PTPRD: variants seen among roughly 807,000 people sequenced by gnomAD.
PTPRD encodes receptor-type tyrosine-protein phosphatase delta.
PTPRD carries 34 observed loss-of-function variants against 214.5 expected under a neutral mutation model. The ratio of observed to expected loss-of-function variants is 0.16; its 90% CI spans 0.12 to 0.21. PTPRD has a LOEUF of 0.21. Among genes scored for constraint, PTPRD ranks in the 10% least tolerant of loss-of-function variants. The probability of loss-of-function intolerance (pLI) is 1.00; values close to 1 mark genes in which losing one functional copy is unlikely to be tolerated. For synonymous variants in PTPRD, 1,128 were observed against 845.7 expected, an observed-to-expected ratio of 1.33 and a Z score of -5.79; for missense variants, 2,545 against 2,398.7, an observed-to-expected ratio of 1.06 and a Z score of -1.27.
At chr9:9,852,286 C>T (rs1441795881) in intron 5 of PTPRD, among the ~76,000 whole-genome samples, 1 of 151,910 alleles carries the variant, frequency 6.6e-6, no homozygotes, top group Admixed American at 6.6e-5. Context: ...GATCTAAAAT[C>T]AGAATTTTGA....
intron 2 of PTPRD, among the ~76,000 whole-genome samples, chr9:10,347,361 C>T (rs1597693073): frequency 6.7e-6 from 1 of 148,982 alleles, no homozygotes; most frequent in South Asian, 2.1e-4. Flanking sequence ...CACTAGCATA[C>T]TTTGTATGAT....
intron 10 of PTPRD, among the ~76,000 whole-genome samples, chr9:9,035,485 G>A (rs543380043): frequency 1.3e-5 from 2 of 152,142 alleles, no homozygotes; most frequent in East Asian, 3.9e-4. Flanking sequence ...GGGAAGGCAG[G>A]AGCCTAACAT....
intron 2 of PTPRD, among the ~76,000 whole-genome samples, chr9:10,541,835 A>G (rs2135309943): frequency 6.6e-6 from 1 of 152,192 alleles, no homozygotes; most frequent in South Asian, 2.1e-4. Context: ...GGTTAAATAT[A>G]TTTAATAACA....
chr9:9,427,645 T>G (rs911149304), intron 8 of PTPRD, among the ~76,000 whole-genome samples: 1 of 152,062 alleles, frequency 6.6e-6, no homozygotes, highest in Non-Finnish European at 1.5e-5. Context: ...GGAGAAAATG[T>G]TAAGGGCAGC....
chr9:8,538,353 T>A (rs2077453922), intron 14 of PTPRD, among the ~76,000 whole-genome samples: 2 of 151,896 alleles, frequency 1.3e-5, no homozygotes, highest in South Asian at 4.1e-4. Flanking sequence ...ACAAAAATAG[T>A]AAACAAGGAA....
chr9:8,911,398 CTG>C (rs141803185), intron 11 of PTPRD, among the ~76,000 whole-genome samples: 12 of 143,740 alleles, frequency 8.3e-5, no homozygotes, highest in South Asian at 4.5e-4. Flanking sequence ...ATGTGTGTGT[CTG>C]TGTGTGTGTG....
intron 3 of PTPRD, among the ~76,000 whole-genome samples, chr9:10,137,701 T>A (rs1276438662): frequency 0.01 from 740 of 71,346 alleles, no homozygotes; most frequent in African/African-American, 0.016. Flanking sequence ...TAGAGTATAA[T>A]AAAAAAAAAA....
chr9:10,468,142 T>C (rs7875474), intron 2 of PTPRD, among the ~76,000 whole-genome samples: 132,593 of 152,174 alleles, frequency 0.87, 57,885 homozygotes, highest in East Asian at 1. Context: ...CCAGCCATCC[T>C]GTTACTGGGT....
intron 10 of PTPRD, among the ~76,000 whole-genome samples, chr9:9,135,826 A>T (rs1016999633): frequency 6.6e-6 from 1 of 151,364 alleles, no homozygotes; most frequent in Non-Finnish European, 1.5e-5. Flanking sequence ...AACTAGAAAT[A>T]TTCAGCTTGA....
At chr9:10,603,872 A>G (rs2078598238) in intron 2 of PTPRD, among the ~76,000 whole-genome samples, 1 of 151,892 alleles carries the variant, frequency 6.6e-6, no homozygotes, top group African/African-American at 2.4e-5. Flanking sequence ...TTTTAATCCC[A>G]CTACAAGAAG....
chr9:8,707,318 G>A (rs1471538702), intron 12 of PTPRD, among the ~76,000 whole-genome samples: 1 of 152,236 alleles, frequency 6.6e-6, no homozygotes, highest in Non-Finnish European at 1.5e-5. Flanking sequence ...TTCTCCATCA[G>A]AAATGCAGAT....
At chr9:10,570,773 CTCTG>C (rs1317923213) in intron 2 of PTPRD, among the ~76,000 whole-genome samples, 4 of 152,058 alleles carry the variant, frequency 2.6e-5, no homozygotes, top group African/African-American at 9.7e-5. Context: ...TTAAGGGTCA[CTCTG>C]TCTTCAAGCC....
chr9:8,353,658 T>C (rs2076111887), intron 39 of PTPRD, among the ~76,000 whole-genome samples: 1 of 151,816 alleles, frequency 6.6e-6, no homozygotes, highest in Non-Finnish European at 1.5e-5. Context: ...GGTCTCGAAC[T>C]CCTGACTTCA....
chr9:9,765,653 A>G (rs2098700638), intron 6 of PTPRD, among the ~76,000 whole-genome samples: 1 of 152,058 alleles, frequency 6.6e-6, no homozygotes, highest in African/African-American at 2.4e-5. Context: ...GCTTACGTAA[A>G]TTCTTTTATT....
chr9:10,570,682 C>T (rs2131932141), intron 2 of PTPRD, among the ~76,000 whole-genome samples: 1 of 152,220 alleles, frequency 6.6e-6, no homozygotes, highest in Admixed American at 6.5e-5. Flanking sequence ...TCTACCCATT[C>T]AACTCCCTCC....
chr9:9,813,870 G>GTTCATCAA (rs79413134), intron 5 of PTPRD, among the ~76,000 whole-genome samples: 27,532 of 151,874 alleles, frequency 0.18, 2,954 homozygotes, highest in African/African-American at 0.3. Context: ...CAAAATATTA[G>GTTCATCAA]CAAATTTAAT....
At chr9:9,661,633 A>G (rs531433486) in intron 7 of PTPRD, among the ~76,000 whole-genome samples, 41 of 152,004 alleles carry the variant, frequency 2.7e-4, no homozygotes, top group South Asian at 1.0e-3. Flanking sequence ...ACAAACAAAC[A>G]AAAAAGTATG....
intron 9 of PTPRD, among the ~76,000 whole-genome samples, chr9:9,350,396 C>T (rs945026593): frequency 6.6e-6 from 1 of 151,998 alleles, no homozygotes; most frequent in East Asian, 1.9e-4. Context: ...TTCTGATTTT[C>T]TCAATAGTTT....
At chr9:9,826,538 C>A (rs542489083) in intron 5 of PTPRD, among the ~76,000 whole-genome samples, 12 of 151,850 alleles carry the variant, frequency 7.9e-5, no homozygotes, top group African/African-American at 2.9e-4. Context: ...AAAATAGAGA[C>A]TTTCAGTTCC....
Sources: allele counts gnomAD v4.1 joint callset (sites outside exome capture counted in the v4.1 genomes callset), GRCh38; gene constraint gnomAD v4.1.1; transcripts MANE v1.5; gene names NCBI Gene and HGNC (gene_info 2026-07-23, HGNC 2026-07-21).